Variants in AGBL4 observed in about 807,000 individuals in gnomAD.
AGBL4 encodes the protein AGBL carboxypeptidase 4.
Under a neutral mutation model 66.4 loss-of-function variants are expected in AGBL4, and 58 were observed. The observed-to-expected ratio is 0.87, with a 90% CI of 0.71 to 1.09. AGBL4 has a LOEUF of 1.09. Ranked by LOEUF, AGBL4 falls within the 50% of genes least tolerant of loss-of-function variation. AGBL4 has a pLI of 0.00. For synonymous variants in AGBL4, 234 were observed against 222.9 expected (o/e 1.05, Z -0.44); for missense variants, 579 against 631.0 (o/e 0.92, Z 0.88).
intron 5 of AGBL4, among the ~76,000 whole-genome samples, chr1:49,030,707 G>C (rs1664140992): frequency 6.6e-6 from 1 of 151,798 alleles, no homozygotes; most frequent in Admixed American, 6.6e-5. Flanking sequence ...GCTGGTCAGT[G>C]GAAAATGTCT....
intron 6 of AGBL4, among the ~76,000 whole-genome samples, chr1:48,706,881 CACTT>C (rs753187466): frequency 2.0e-5 from 3 of 152,198 alleles, no homozygotes; most frequent in Non-Finnish European, 2.9e-5. Flanking sequence ...CCGGAATAGT[CACTT>C]AAAGAGAAAA....
chr1:49,424,894 G>T (rs1645622960), intron 3 of AGBL4, among the ~76,000 whole-genome samples: 1 of 152,150 alleles, frequency 6.6e-6, no homozygotes, highest in Non-Finnish European at 1.5e-5. Context: ...TAAGTATGAG[G>T]CCTGGTGAGG....
rs79799510 is a variant in AGBL4 at position 49,331,681 on chromosome 1, A to G, written c.283-85817T>C. Among the ~76,000 whole-genome samples the G allele has an allele frequency of 2.9e-3, 429 of 149,848 alleles. 12 individuals are homozygous for G. The East Asian group carries it at 0.076, about 27-fold the overall frequency. ...CCTGGGACGGAGAGCCCGGCGGGAG[A>G]GGCAGGCTGCCACCTTTGTTGTTTG... On this transcript the variant is annotated intron_variant, in intron 3 of 13. Transcript: ENST00000371839.
At chr1:48,794,601 T>C (rs1410364889) in intron 6 of AGBL4, among the ~76,000 whole-genome samples, 1 of 152,212 alleles carries the variant, frequency 6.6e-6, no homozygotes, top group Non-Finnish European at 1.5e-5. Context: ...ATTTGGTCTC[T>C]CAGGAGCATT....
chr1:48,940,140 A>G (rs1044211039), intron 5 of AGBL4, among the ~76,000 whole-genome samples: 3 of 152,188 alleles, frequency 2.0e-5, no homozygotes, highest in African/African-American at 7.2e-5. Flanking sequence ...AGAGTTGAGG[A>G]AGGCCCGGGT....
chr1:49,274,322 A>T (rs1045387252), intron 3 of AGBL4, among the ~76,000 whole-genome samples: 3 of 152,202 alleles, frequency 2.0e-5, no homozygotes, highest in Non-Finnish European at 4.4e-5. Context: ...TTGGAATTAT[A>T]TAGTATGTTA....
intron 1 of AGBL4, among the ~76,000 whole-genome samples, chr1:49,990,284 G>A (rs1659839592): frequency 6.6e-6 from 1 of 152,106 alleles, no homozygotes; most frequent in Non-Finnish European, 1.5e-5. Flanking sequence ...TAATCCCCAG[G>A]TGTTGAGAGA....
At chr1:49,166,250 C>T (rs745611336) in intron 4 of AGBL4, among the ~76,000 whole-genome samples, 1 of 152,066 alleles carries the variant, frequency 6.6e-6, no homozygotes, top group Non-Finnish European at 1.5e-5. Flanking sequence ...TTACTTTTAA[C>T]ATTTTTAAAA....
At chr1:48,743,084 G>A (rs574423862) in intron 6 of AGBL4, among the ~76,000 whole-genome samples, 8 of 152,282 alleles carry the variant, frequency 5.3e-5, no homozygotes, top group East Asian at 1.9e-4. Context: ...GTTCTGTTAC[G>A]CCTGGGTTGG....
chr1:48,650,938 C>CA (rs768018023), intron 8 of AGBL4, among the ~76,000 whole-genome samples: 5 of 152,212 alleles, frequency 3.3e-5, no homozygotes, highest in Non-Finnish European at 7.3e-5. Context: ...TATTTCCCCC[C>CA]ATAATGCCTT....
chr1:49,787,179 T>G (rs1408380205), intron 2 of AGBL4, among the ~76,000 whole-genome samples: 3 of 152,068 alleles, frequency 2.0e-5, no homozygotes, highest in African/African-American at 7.2e-5. Context: ...ACATATCACG[T>G]GATAAACTAC....
At chr1:48,566,575 A>C (rs1644479584) in intron 11 of AGBL4, among the ~76,000 whole-genome samples, 1 of 152,218 alleles carries the variant, frequency 6.6e-6, no homozygotes, top group African/African-American at 2.4e-5. Context: ...TGCTCAAATA[A>C]GTTGTCAAAC....
intron 3 of AGBL4, among the ~76,000 whole-genome samples, chr1:49,314,385 C>G (rs1644999654): frequency 6.6e-6 from 1 of 151,946 alleles, no homozygotes; most frequent in South Asian, 2.1e-4. Flanking sequence ...CCCCTCCAGC[C>G]CCCATCCCCC....
chr1:49,379,641 T>C (rs1182938608), intron 3 of AGBL4, among the ~76,000 whole-genome samples: 2 of 152,190 alleles, frequency 1.3e-5, no homozygotes. Context: ...GATAATCATG[T>C]GGTTTTTGTC....
At chr1:49,010,975 G>A (rs550197332) in intron 5 of AGBL4, among the ~76,000 whole-genome samples, 10,288 of 152,046 alleles carry the variant, frequency 0.068, 311 homozygotes, top group Non-Finnish European at 0.099. Context: ...CATGGGCAAG[G>A]ACTTCCTGTC....
chr1:49,237,609 C>G (rs1650889400), intron 4 of AGBL4, among the ~76,000 whole-genome samples: 1 of 144,800 alleles, frequency 6.9e-6, no homozygotes, highest in Non-Finnish European at 1.5e-5. Context: ...TGACATTTAC[C>G]AATTTGAGTG....
intron 3 of AGBL4, among the ~76,000 whole-genome samples, chr1:49,522,491 C>T (rs1650344813): frequency 6.6e-6 from 1 of 152,030 alleles, no homozygotes. Context: ...ATCTACCTGC[C>T]CTATTAGACT....
At chr1:49,323,760 C>A (rs1425043370) in intron 3 of AGBL4, among the ~76,000 whole-genome samples, 7 of 150,122 alleles carry the variant, frequency 4.7e-5, no homozygotes, top group Non-Finnish European at 1.0e-4. Context: ...CAGAGCGAGG[C>A]CCCGTTTCAG....
At chr1:48,636,674 C>A (rs796777536) in intron 8 of AGBL4, among the ~76,000 whole-genome samples, 1 of 152,294 alleles carries the variant, frequency 6.6e-6, no homozygotes, top group African/African-American at 2.4e-5. Context: ...CTTAAATATT[C>A]TTATCTGACG....
Sources: allele counts gnomAD v4.1 joint callset (sites outside exome capture counted in the v4.1 genomes callset), GRCh38; gene constraint gnomAD v4.1.1; transcripts MANE v1.5; gene names NCBI Gene and HGNC (gene_info 2026-07-23, HGNC 2026-07-21).